Variants in CNTN5 observed in about 807,000 individuals in gnomAD.
CNTN5 encodes the protein contactin 5.
A neutral mutation model predicts 129.1 loss-of-function variants in CNTN5; 77 were observed. That is an observed-to-expected ratio of 0.60 (90% CI 0.50 to 0.72). The LOEUF is 0.72. CNTN5 is among the 30% of genes least tolerant of loss of function. CNTN5 has a pLI of 0.00. For missense variants in CNTN5, 1,478 were observed against 1,328.8 expected (o/e 1.11, Z -1.75); for synonymous variants, 509 against 465.6 (o/e 1.09, Z -1.20).
intron 6 of CNTN5, among the ~76,000 whole-genome samples, chr11:99,855,784 A>C (rs1464465208): frequency 6.6e-6 from 1 of 152,178 alleles, no homozygotes; most frequent in Admixed American, 6.5e-5. Context: ...GCACTCTCAC[A>C]TCTTGACCTA....
intron 3 of CNTN5, among the ~76,000 whole-genome samples, chr11:99,643,247 T>G (rs909128289): frequency 6.6e-6 from 1 of 151,708 alleles, no homozygotes; most frequent in African/African-American, 2.4e-5. Context: ...GTGTAGGTGT[T>G]GGTATGTCTC....
chr11:99,976,519 A>G (rs973993404), intron 8 of CNTN5, among the ~76,000 whole-genome samples: 2 of 152,180 alleles, frequency 1.3e-5, no homozygotes, highest in African/African-American at 2.4e-5. Context: ...TCTGAAATCT[A>G]GGCAGAGGTT....
At chr11:99,041,939 T>G (rs186973183) in intron 1 of CNTN5, among the ~76,000 whole-genome samples, 1 of 152,320 alleles carries the variant, frequency 6.6e-6, no homozygotes, top group African/African-American at 2.4e-5. Flanking sequence ...TCTCTATGAC[T>G]TTGCACCTGT....
chr11:99,597,198 A>G (rs749311513), intron 3 of CNTN5, among the ~76,000 whole-genome samples: 2 of 152,218 alleles, frequency 1.3e-5, no homozygotes, highest in East Asian at 1.9e-4. Flanking sequence ...TTGAATATTT[A>G]GCATCAGATA....
At chr11:99,365,893 A>C (rs1939415127) in intron 2 of CNTN5, among the ~76,000 whole-genome samples, 1 of 152,142 alleles carries the variant, frequency 6.6e-6, no homozygotes, top group African/African-American at 2.4e-5. Context: ...GAGTGCAAGC[A>C]AGTTTTCTCC....
intron 2 of CNTN5, among the ~76,000 whole-genome samples, chr11:99,511,618 G>A (rs936963380): frequency 1.3e-5 from 2 of 151,750 alleles, no homozygotes; most frequent in African/African-American, 2.4e-5. Flanking sequence ...CTGTCTCGTT[G>A]ATCTGTCTAA....
intron 13 of CNTN5, among the ~76,000 whole-genome samples, chr11:100,171,030 G>T (rs1246230934): frequency 2.6e-5 from 4 of 151,966 alleles, no homozygotes; most frequent in Non-Finnish European, 5.9e-5. Flanking sequence ...TACAAGTGAT[G>T]TTATTGTACT....
At chr11:99,327,500 T>A (rs1865834507) in intron 2 of CNTN5, among the ~76,000 whole-genome samples, 1 of 152,186 alleles carries the variant, frequency 6.6e-6, no homozygotes. Flanking sequence ...ACCTGTGGAA[T>A]CAGGTTTGGC....
intron 13 of CNTN5, 120 bp downstream of exon 13, chr11:100,074,414 T>A: frequency 1.1e-6 from 1 of 898,718 alleles, no homozygotes; most frequent in Non-Finnish European, 1.7e-6. Context: ...ATGAACTGAT[T>A]GAAACATGGT....
intron 13 of CNTN5, among the ~76,000 whole-genome samples, chr11:100,188,047 G>T (rs1277140593): frequency 6.6e-6 from 1 of 152,024 alleles, no homozygotes; most frequent in African/African-American, 2.4e-5. Flanking sequence ...CACAACAAAG[G>T]TCTAATATCC....
chr11:99,356,939 AAC>A (rs1049517994), intron 2 of CNTN5, among the ~76,000 whole-genome samples: 4 of 133,084 alleles, frequency 3.0e-5, no homozygotes, highest in African/African-American at 8.3e-5. Flanking sequence ...ATCAGTGAAA[AAC>A]ATGTGTATAT....
intron 15 of CNTN5, 116 bp downstream of exon 15, chr11:100,193,779 G>A: frequency 1.3e-6 from 1 of 768,304 alleles, no homozygotes; most frequent in Admixed American, 3.5e-5. Flanking sequence ...ACATCGACTT[G>A]ATAAAAACAA....
intron 9 of CNTN5, among the ~76,000 whole-genome samples, chr11:100,051,690 A>G: frequency 6.6e-6 from 1 of 152,048 alleles, no homozygotes; most frequent in African/African-American, 2.4e-5. Flanking sequence ...ATTTTTAGAA[A>G]ATATTAATAA....
chr11:99,271,626 C>A (rs530557446), intron 1 of CNTN5, among the ~76,000 whole-genome samples: 1 of 151,748 alleles, frequency 6.6e-6, no homozygotes, highest in Admixed American at 6.6e-5. Context: ...GTTTTCCATG[C>A]GGATGTGATC....
In CNTN5 at chr11:100,204,336, AT is replaced by A. The variant is rs1565340610; in HGVS notation, c.1884+10674del. Among the ~76,000 whole-genome samples the A allele has an allele frequency of 1.4e-4, 16 of 113,448 alleles. 1 individual carries two copies. The highest frequency in any genetic ancestry group is 5.5e-4 in the African/African-American group (16 of 29,194). 74.4% of individuals were successfully genotyped at this position (113,448 alleles called of 152,430 possible). A position where few individuals can be genotyped will look rare whatever the true frequency, so the allele number is the denominator to read the frequency against. On this transcript the variant is annotated intron_variant, in intron 15 of 24. Transcript: ENST00000524871. ...TATATATATATATATATATATATAT[AT>A]ATATATAATTATAGGCAGACAGATA...
chr11:99,694,966 T>G (rs1420984999), intron 3 of CNTN5, among the ~76,000 whole-genome samples: 2 of 152,240 alleles, frequency 1.3e-5, no homozygotes, highest in East Asian at 3.9e-4. Context: ...AATTTTGACA[T>G]TTTTGAATCA....
At position 100,271,053 on chromosome 11, in the gene CNTN5, A is replaced by G. The variant is rs372163094; in HGVS notation, c.2165-39A>G. The stretch of plus-strand genomic sequence containing the variant: ...TGATTGCCATTTGTAGCATTTTTCT[A>G]GTCCTCATAATGACATGAAATTTCC... On this transcript the variant is annotated intron_variant, in intron 17 of 24. Transcript: ENST00000524871. 5 of 1,512,296 alleles carry G rather than the reference A, an allele frequency of 3.3e-6. No individual in the cohort carries two copies. The African/African-American group carries it at 7.0e-5, about 21-fold the overall frequency. 93.7% of individuals were successfully genotyped at this position (1,512,296 alleles called of 1,614,324 possible).
chr11:99,622,355 G>T (rs931324278), intron 3 of CNTN5, among the ~76,000 whole-genome samples: 2 of 152,118 alleles, frequency 1.3e-5, no homozygotes, highest in Non-Finnish European at 2.9e-5. Context: ...CTAAAGAGAA[G>T]AAAGCTTTTG....
At chr11:99,466,010 T>C (rs138397870) in intron 2 of CNTN5, among the ~76,000 whole-genome samples, 1,730 of 151,664 alleles carry the variant, frequency 0.011, 28 homozygotes, top group African/African-American at 0.039. Context: ...GCCTCCCGAG[T>C]AGCTGGGACT....
Sources: allele counts gnomAD v4.1 joint callset (sites outside exome capture counted in the v4.1 genomes callset), GRCh38; gene constraint gnomAD v4.1.1; transcripts MANE v1.5; gene names NCBI Gene and HGNC (gene_info 2026-07-23, HGNC 2026-07-21).